The following PDE3A variants were observed in gnomAD, a reference collection of about 807,000 sequenced individuals.
The protein encoded by PDE3A is phosphodiesterase 3A.
PDE3A carries 43 observed loss-of-function variants against 98.3 expected under a neutral mutation model. The ratio of observed to expected loss-of-function variants is 0.44; its 90% confidence interval spans 0.34 to 0.56. The LOEUF (loss-of-function observed/expected upper bound fraction) is 0.56, where lower values mean the gene tolerates loss of function less well. PDE3A is among the 20% of genes least tolerant of loss of function. PDE3A has a pLI of 0.01. For missense variants in PDE3A, 1,427 were observed against 1,440.7 expected (o/e 0.99, Z 0.15); for synonymous variants, 663 against 567.9 (o/e 1.17, Z -2.38).
At chr12:20,606,634 G>C (rs951329178) in intron 2 of PDE3A, among the ~76,000 whole-genome samples, 1 of 151,794 alleles carries the variant, frequency 6.6e-6, no homozygotes, top group African/African-American at 2.4e-5. Flanking sequence ...TCAGGTGGGC[G>C]GGTCACCTGA....
chr12:20,441,032 C>A (rs1944862923), intron 1 of PDE3A, among the ~76,000 whole-genome samples: 1 of 152,050 alleles, frequency 6.6e-6, no homozygotes, highest in African/African-American at 2.4e-5. Context: ...GGATCTAATT[C>A]CTTGAATTAT....
intron 1 of PDE3A, among the ~76,000 whole-genome samples, chr12:20,462,356 T>C (rs1945265694): frequency 6.6e-6 from 1 of 152,168 alleles, no homozygotes; most frequent in Non-Finnish European, 1.5e-5. Flanking sequence ...CTGGGCCTGG[T>C]GGCTTGCACC....
chr12:20,531,286 T>C (rs1292864579), intron 1 of PDE3A, among the ~76,000 whole-genome samples: 2 of 152,184 alleles, frequency 1.3e-5, no homozygotes. Context: ...TGATAAGGCA[T>C]TATAAGTGGT....
intron 1 of PDE3A, among the ~76,000 whole-genome samples, chr12:20,445,146 T>C (rs1216397386): frequency 1.3e-5 from 2 of 152,168 alleles, no homozygotes; most frequent in Non-Finnish European, 2.9e-5. Flanking sequence ...GAACATCATT[T>C]CTGTTAGGCT....
intron 1 of PDE3A, among the ~76,000 whole-genome samples, chr12:20,454,183 G>A (rs1016488230): frequency 1.3e-5 from 2 of 152,094 alleles, no homozygotes; most frequent in Non-Finnish European, 1.5e-5. Context: ...GCTTGAACCC[G>A]TTAAGCATAT....
At chr12:20,667,692 C>A (rs1945350943) in intron 15 of PDE3A, among the ~76,000 whole-genome samples, 1 of 152,146 alleles carries the variant, frequency 6.6e-6, no homozygotes, top group Non-Finnish European at 1.5e-5. Flanking sequence ...ATTTTGAAGT[C>A]AGGTAGTGTG....
chr12:20,554,156 A>G (rs1406259292), intron 1 of PDE3A, among the ~76,000 whole-genome samples: 1 of 150,852 alleles, frequency 6.6e-6, no homozygotes, highest in African/African-American at 2.4e-5. Context: ...TTTGCAGCCT[A>G]TACCTCAATA....
At chr12:20,550,476 T>G (rs1220103948) in intron 1 of PDE3A, among the ~76,000 whole-genome samples, 4 of 152,256 alleles carry the variant, frequency 2.6e-5, no homozygotes, top group African/African-American at 7.2e-5. Context: ...ATACTACTTA[T>G]TTCATTAGTT....
At chr12:20,454,173 G>C (rs1052321347) in intron 1 of PDE3A, among the ~76,000 whole-genome samples, 1 of 152,102 alleles carries the variant, frequency 6.6e-6, no homozygotes, top group African/African-American at 2.4e-5. Flanking sequence ...CCTGGCTCTT[G>C]CTTGAACCCG....
intron 1 of PDE3A, among the ~76,000 whole-genome samples, chr12:20,548,620 A>T (rs1198578724): frequency 6.6e-6 from 1 of 152,150 alleles, no homozygotes; most frequent in East Asian, 1.9e-4. Flanking sequence ...GTATCATATC[A>T]TCTTAATAAA....
Position 20,552,914 on chromosome 12 carries a change from G to A in PDE3A, c.961-3746G>A. Reference sequence around the variant, plus strand: ...GCACAGGTGTTCAGCTGCCCTGCCTGCCGCTACGACCTGGGCCGCAGCTAT... The same window carrying A: ...GCACAGGTGTTCAGCTGCCCTGCCTACCGCTACGACCTGGGCCGCAGCTAT... On this transcript the variant is annotated intron_variant, in intron 1 of 15. Coordinates refer to ENST00000359062, the MANE Select transcript of PDE3A (RefSeq NM_000921.5). The surrounding 1 kb of genome is among the most constrained non-coding windows in gnomAD (Gnocchi z 5.1). The A allele has an allele frequency of 6.3e-7, 1 of 1,598,588 alleles. No homozygotes were observed. The highest frequency in any genetic ancestry group is 8.5e-7 in the Non-Finnish European group (1 of 1,172,760).
At chr12:20,523,100 T>A (rs952037072) in intron 1 of PDE3A, among the ~76,000 whole-genome samples, 2 of 152,006 alleles carry the variant, frequency 1.3e-5, no homozygotes, top group African/African-American at 4.8e-5. Context: ...ATAGTGAAAA[T>A]TCTAATGAAT....
chr12:20,561,410 A>G (rs1248125814), intron 2 of PDE3A, among the ~76,000 whole-genome samples: 1 of 152,204 alleles, frequency 6.6e-6, no homozygotes, highest in African/African-American at 2.4e-5. Context: ...AAACATATGG[A>G]ATAAATATTG....
At chr12:20,380,267 C>T (rs1019962085) in intron 1 of PDE3A, among the ~76,000 whole-genome samples, 1 of 151,826 alleles carries the variant, frequency 6.6e-6, no homozygotes, top group East Asian at 1.9e-4. Flanking sequence ...CCAGAGATGA[C>T]ATTGTGAAAT....
intron 2 of PDE3A, among the ~76,000 whole-genome samples, chr12:20,607,426 G>T (rs973297224): frequency 7.3e-6 from 1 of 136,700 alleles, no homozygotes; most frequent in African/African-American, 2.7e-5. Flanking sequence ...GACAGAGTGA[G>T]ACTCCGTCTC....
chr12:20,519,901 TACTTTGCTAAGGG>T (rs1946391660), intron 1 of PDE3A, among the ~76,000 whole-genome samples: 1 of 152,102 alleles, frequency 6.6e-6, no homozygotes, highest in African/African-American at 2.4e-5. Context: ...CTGCTCCAGG[TACTTTGCTAAGGG>T]ACATCATCTC....
intron 2 of PDE3A, among the ~76,000 whole-genome samples, chr12:20,600,016 C>T (rs955421215): frequency 6.6e-6 from 1 of 152,168 alleles, no homozygotes; most frequent in African/African-American, 2.4e-5. Flanking sequence ...TTCCTTGGTG[C>T]CATGGACACT....
At chr12:20,602,031 T>C (rs111637470) in intron 2 of PDE3A, among the ~76,000 whole-genome samples, 2,609 of 152,306 alleles carry the variant, frequency 0.017, 76 homozygotes, top group African/African-American at 0.059. Context: ...ATTCCTATCA[T>C]TTTTTAAAAC....
At chr12:20,459,002 G>A (rs1945200797) in intron 1 of PDE3A, among the ~76,000 whole-genome samples, 1 of 152,154 alleles carries the variant, frequency 6.6e-6, no homozygotes, top group Non-Finnish European at 1.5e-5. Context: ...AAATAAAAGT[G>A]CCTAGATGCA....
Sources: gnomAD v4.1 joint callset for allele counts (sites outside exome capture counted in the v4.1 genomes callset) on GRCh38, gnomAD v4.1.1 for gene constraint, Gnocchi (gnomAD v3.1) non-coding constraint, MANE v1.5 for transcripts, NCBI Gene and HGNC (gene_info 2026-07-23, HGNC 2026-07-21) for gene names.